Variants in SGCZ observed in about 807,000 individuals in gnomAD.
SGCZ encodes sarcoglycan zeta, also known as zeta-sarcoglycan.
Under a neutral mutation model 41.3 loss-of-function variants are expected in SGCZ, and 40 were observed. The observed-to-expected ratio is 0.97, with a 90% CI of 0.75 to 1.26. The LOEUF is 1.26. Ranked by LOEUF, SGCZ falls within the 50% of genes most tolerant of loss-of-function variation. The pLI, the probability that SGCZ is intolerant of heterozygous loss-of-function variation, is 0.00. For missense variants in SGCZ, 552 were observed against 369.8 expected (o/e 1.49, Z -4.04); for synonymous variants, 206 against 137.5 (o/e 1.50, Z -3.49).
intron 1 of SGCZ, among the ~76,000 whole-genome samples, chr8:15,016,431 T>A (rs1803035494): frequency 6.6e-6 from 1 of 152,164 alleles, no homozygotes; most frequent in South Asian, 2.1e-4. Context: ...AATGGCTCTC[T>A]CCTGTTTGTA....
At chr8:14,448,097 G>A (rs1019830443) in intron 2 of SGCZ, among the ~76,000 whole-genome samples, 9 of 152,102 alleles carry the variant, frequency 5.9e-5, no homozygotes, top group Non-Finnish European at 7.3e-5. Flanking sequence ...CGAAATAGTA[G>A]CAGTAACAAT....
intron 2 of SGCZ, among the ~76,000 whole-genome samples, chr8:14,465,504 C>G (rs537861389): frequency 5.7e-4 from 87 of 151,844 alleles, no homozygotes; most frequent in African/African-American, 2.1e-3. Flanking sequence ...TAAGTAATTA[C>G]TGATAAGAAA....
At position 14,377,616 on chromosome 8, in the gene SGCZ, T is replaced by C. The variant is rs918529852; in HGVS notation, c.235-53412A>G. Among the ~76,000 whole-genome samples the C allele has an allele frequency of 1.8e-4, 28 of 151,996 alleles. 1 individual carries two copies. Among genetic ancestry groups the C allele is most frequent in the Non-Finnish European group, 2.9e-5 (2 of 67,994 alleles). On this transcript the variant is annotated intron_variant, in intron 2 of 7. Transcript: ENST00000382080. ...CATATGTATACATGTGCCATGCTGG[T>C]GTGCTGCACCCACTAACTCGTCATC... is the stretch of plus-strand genomic sequence containing the variant.
At chr8:14,650,440 T>G (rs768521333) in intron 1 of SGCZ, among the ~76,000 whole-genome samples, 1 of 152,018 alleles carries the variant, frequency 6.6e-6, no homozygotes, top group African/African-American at 2.4e-5. Context: ...TACAGATTGT[T>G]TCATCACACA....
At chr8:14,259,199 T>C (rs1405369959) in intron 3 of SGCZ, among the ~76,000 whole-genome samples, 1 of 152,180 alleles carries the variant, frequency 6.6e-6, no homozygotes, top group African/African-American at 2.4e-5. Context: ...ATAAAATACC[T>C]ACTGAGTTAA....
At chr8:14,136,426 A>C (rs1803200532) in intron 5 of SGCZ, among the ~76,000 whole-genome samples, 1 of 152,168 alleles carries the variant, frequency 6.6e-6, no homozygotes, top group Admixed American at 6.5e-5. Context: ...TGGTACCTTG[A>C]AAATTGGGAC....
intron 1 of SGCZ, among the ~76,000 whole-genome samples, chr8:14,575,970 A>G (rs1489450756): frequency 6.6e-6 from 1 of 151,520 alleles, no homozygotes; most frequent in Non-Finnish European, 1.5e-5. Flanking sequence ...ATTGAATTAC[A>G]TTTTTATATA....
chr8:14,834,333 A>G (rs1274960639), intron 1 of SGCZ, among the ~76,000 whole-genome samples: 1 of 152,210 alleles, frequency 6.6e-6, no homozygotes, highest in East Asian at 1.9e-4. Context: ...TCTCTTTGCA[A>G]AAATTATTTT....
intron 2 of SGCZ, among the ~76,000 whole-genome samples, chr8:14,546,241 G>A (rs1803622615): frequency 6.6e-6 from 1 of 152,164 alleles, no homozygotes; most frequent in Admixed American, 6.5e-5. Flanking sequence ...CGCCCTAGAA[G>A]GTGGAGCCCT....
intron 2 of SGCZ, among the ~76,000 whole-genome samples, chr8:14,455,775 A>C (rs1800725734): frequency 6.6e-6 from 1 of 152,236 alleles, no homozygotes; most frequent in Non-Finnish European, 1.5e-5. Context: ...GTGTTAAACA[A>C]GAATGAGGAC....
rs189517810 is a variant in SGCZ, at chr8:14,189,122, G to A, written c.425-24420C>T. On this transcript the variant is annotated intron_variant, in intron 4 of 7. Coordinates refer to ENST00000382080, the MANE Select transcript of SGCZ (RefSeq NM_139167.4). Reference sequence around the variant, plus strand: ...CATCCACCCGTCTCAGCCTCCCAACGTGCTGGGATTACAGGCGTGAGCCAC... The same window carrying A: ...CATCCACCCGTCTCAGCCTCCCAACATGCTGGGATTACAGGCGTGAGCCAC... Among the ~76,000 whole-genome samples, 42 of 151,558 alleles carry A rather than the reference G, an allele frequency of 2.8e-4. No homozygotes were observed. In the East Asian group the frequency reaches 5.7e-3, roughly 20 times the overall value.
intron 3 of SGCZ, among the ~76,000 whole-genome samples, chr8:14,279,430 C>T (rs1278882385): frequency 6.6e-6 from 1 of 151,902 alleles, no homozygotes; most frequent in African/African-American, 2.4e-5. Flanking sequence ...GAGGACACTA[C>T]CTTTTTTTCC....
chr8:15,027,018 G>A (rs1490730830), intron 1 of SGCZ, among the ~76,000 whole-genome samples: 1 of 152,120 alleles, frequency 6.6e-6, no homozygotes, highest in African/African-American at 2.4e-5. Context: ...ATGAATGAGG[G>A]TAATTGTCAA....
intron 4 of SGCZ, among the ~76,000 whole-genome samples, chr8:14,209,087 C>A (rs984706890): frequency 6.6e-6 from 1 of 152,186 alleles, no homozygotes; most frequent in Admixed American, 6.5e-5. Context: ...TCTTTGCCAG[C>A]CATGTATATA....
At chr8:14,417,132 T>A (rs1369654513) in intron 2 of SGCZ, among the ~76,000 whole-genome samples, 2 of 151,840 alleles carry the variant, frequency 1.3e-5, no homozygotes, top group African/African-American at 4.8e-5. Context: ...AGAGCCCGTC[T>A]TAGAGACTTC....
At chr8:14,796,344 C>T (rs1801128467) in intron 1 of SGCZ, among the ~76,000 whole-genome samples, 1 of 152,050 alleles carries the variant, frequency 6.6e-6, no homozygotes, top group African/African-American at 2.4e-5. Flanking sequence ...TATTGGAACT[C>T]CTGGCCTCAA....
At chr8:14,424,193 G>A (rs118043971) in intron 2 of SGCZ, among the ~76,000 whole-genome samples, 2 of 152,148 alleles carry the variant, frequency 1.3e-5, no homozygotes. Flanking sequence ...GAAGTGTAAG[G>A]AGGGCGGGAT....
In SGCZ at chr8:14,777,334, A is replaced by G. The variant is rs560453350; in HGVS notation, c.40-222408T>C. Among the ~76,000 whole-genome samples the G allele has an allele frequency of 9.2e-5, 14 of 152,312 alleles. No homozygotes were observed. The East Asian group carries it at 2.7e-3, about 29-fold the overall frequency. ...ATCATAAACGAGTAATATTAACGAC[A>G]TTTAATTTGTAAAAGAGAAAGCTGA... On this transcript the variant is annotated intron_variant, in intron 1 of 7. Transcript: ENST00000382080.
At chr8:14,705,013 A>T (rs1809289205) in intron 1 of SGCZ, among the ~76,000 whole-genome samples, 1 of 152,034 alleles carries the variant, frequency 6.6e-6, no homozygotes, top group Admixed American at 6.6e-5. Context: ...GAAAATATTG[A>T]TATTAATAGC....
Sources: gnomAD v4.1 joint callset for allele counts (sites outside exome capture counted in the v4.1 genomes callset) on GRCh38, gnomAD v4.1.1 for gene constraint, MANE v1.5 for transcripts, NCBI Gene and HGNC (gene_info 2026-07-23, HGNC 2026-07-21) for gene names.